ASH1L: variants seen among roughly 807,000 people sequenced by gnomAD.
The protein encoded by ASH1L is ASH1 like histone lysine methyltransferase.
ASH1L carries 23 observed loss-of-function variants against 269.0 expected under a neutral mutation model. That is an observed-to-expected ratio of 0.09 (90% CI 0.06 to 0.12). The LOEUF (loss-of-function observed/expected upper bound fraction) is 0.12. ASH1L is among the 10% of genes least tolerant of loss of function. ASH1L has a pLI of 1.00. For missense variants in ASH1L, 2,912 were observed against 3,567.8 expected (o/e 0.82, Z 4.68); for synonymous variants, 1,187 against 1,253.5 (o/e 0.95, Z 1.12).
At chr1:155,361,719 A>C (rs901048730) in intron 12 of ASH1L, among the ~76,000 whole-genome samples, 1 of 150,974 alleles carries the variant, frequency 6.6e-6, no homozygotes, top group African/African-American at 2.4e-5. Flanking sequence ...ACAAACAAAC[A>C]AAAACTAGAC....
intron 3 of ASH1L, among the ~76,000 whole-genome samples, chr1:155,464,096 T>C (rs554926812): frequency 6.6e-6 from 1 of 152,310 alleles, no homozygotes; most frequent in African/African-American, 2.4e-5. Flanking sequence ...GAAAGTAGTT[T>C]TCTGCTTCCC....
rs1481410989 is a variant in ASH1L at position 155,493,234 on chromosome 1, T to C, written c.421-10785A>G. Among the ~76,000 whole-genome samples the C allele has an allele frequency of 3.3e-5, 5 of 152,232 alleles. No homozygotes were observed. The East Asian group carries it at 9.6e-4, about 29-fold the overall frequency. On this transcript the variant is annotated intron_variant, in intron 2 of 27. Transcript: ENST00000392403. ...TCATCGGACTGTTTTTCCATACGTA[T>C]ACTTCCTCACAAACTTGAGATATGA... is the stretch of plus-strand genomic sequence containing the variant.
At chr1:155,473,617 C>T (rs763364597) in intron 3 of ASH1L, among the ~76,000 whole-genome samples, 6 of 151,756 alleles carry the variant, frequency 4.0e-5, no homozygotes, top group Non-Finnish European at 7.4e-5. Flanking sequence ...TTGCCACAGC[C>T]TCCTGAGTAG....
intron 11 of ASH1L, 27 bp from the exon 12 acceptor site, chr1:155,370,677 A>T: frequency 6.2e-7 from 1 of 1,612,900 alleles, no homozygotes; most frequent in South Asian, 1.1e-5. Context: ...TGATTGAAAG[A>T]CAATTAAAGA....
intron 10 of ASH1L, among the ~76,000 whole-genome samples, chr1:155,377,387 A>C (rs1656548357): frequency 6.6e-6 from 1 of 152,014 alleles, no homozygotes; most frequent in Admixed American, 6.6e-5. Context: ...CTGCTTCCTC[A>C]TTGTGGCAAC....
At chr1:155,427,196 C>G (rs1399610624) in intron 5 of ASH1L, among the ~76,000 whole-genome samples, 2 of 142,322 alleles carry the variant, frequency 1.4e-5, no homozygotes, top group Admixed American at 7.5e-5. Flanking sequence ...GTGAAGTGGT[C>G]TGATCTCAGC....
chr1:155,502,454 G>GT (rs1667578070), intron 2 of ASH1L, among the ~76,000 whole-genome samples: 1 of 152,060 alleles, frequency 6.6e-6, no homozygotes, highest in African/African-American at 2.4e-5. Flanking sequence ...TGAATTTTTG[G>GT]TAATGATGAT....
intron 6 of ASH1L, among the ~76,000 whole-genome samples, chr1:155,411,871 C>T (rs942899481): frequency 2.6e-4 from 40 of 151,670 alleles, no homozygotes; most frequent in Middle Eastern, 3.4e-3. Context: ...ACAGGACATG[C>T]TGGGTTTACA....
intron 6 of ASH1L, among the ~76,000 whole-genome samples, chr1:155,414,302 G>A (rs1331387728): frequency 6.6e-6 from 1 of 151,734 alleles, no homozygotes; most frequent in Non-Finnish European, 1.5e-5. Flanking sequence ...TAGCAAAATA[G>A]CATTAAAAAA....
intron 3 of ASH1L, among the ~76,000 whole-genome samples, chr1:155,477,574 C>T (rs918585925): frequency 2.0e-5 from 3 of 152,010 alleles, no homozygotes; most frequent in Admixed American, 2.0e-4. Context: ...ACCTATGAGC[C>T]ATTTGTCTTT....
intron 2 of ASH1L, among the ~76,000 whole-genome samples, chr1:155,503,713 T>C (rs1007931530): frequency 5.3e-5 from 8 of 152,204 alleles, no homozygotes; most frequent in African/African-American, 1.9e-4. Context: ...ACTACCACCC[T>C]CTTCCCTGTA....
chr1:155,537,479 C>T (rs115124051), intron 1 of ASH1L, among the ~76,000 whole-genome samples: 3,132 of 152,140 alleles, frequency 0.021, 105 homozygotes, highest in African/African-American at 0.072. Context: ...AAACAGGCTT[C>T]GAAACGTGAT....
rs185419009 is a variant in ASH1L at position 155,427,365 on chromosome 1, T to C, written c.5828+10962A>G. On this transcript the variant is annotated intron_variant, in intron 5 of 27. Coordinates refer to ENST00000392403, the MANE Select transcript of ASH1L (RefSeq NM_018489.3). ...TCTTGTTGCCCAGGCTGGAGTGCAG[T>C]GGCCAGATCCCGGCTCACTGCAACC... 7.2e-3 allele frequency among the ~76,000 whole-genome samples: 1,101 copies of C among 151,888 alleles called. 14 individuals carry two copies. The highest frequency in any genetic ancestry group is 0.025 in the African/African-American group (1,047 of 41,418).
intron 1 of ASH1L, among the ~76,000 whole-genome samples, chr1:155,558,703 T>C (rs928613986): frequency 2.6e-5 from 4 of 152,070 alleles, no homozygotes; most frequent in African/African-American, 9.7e-5. Flanking sequence ...TTCTAATTTT[T>C]TAACTTTCTG....
At chr1:155,433,709 A>G (rs1432049084) in intron 5 of ASH1L, 1 of 1,600,870 alleles carries the variant, frequency 6.2e-7, no homozygotes, top group Non-Finnish European at 8.5e-7. Context: ...TCTATTTGGG[A>G]AGGTGTTCAG....
chr1:155,431,804 C>G (rs1661630125), intron 5 of ASH1L, among the ~76,000 whole-genome samples: 1 of 152,012 alleles, frequency 6.6e-6, no homozygotes, highest in African/African-American at 2.4e-5. Flanking sequence ...GAAACGGTAG[C>G]TACAACCAGC....
At chr1:155,454,381 A>G (rs934307396) in intron 4 of ASH1L, among the ~76,000 whole-genome samples, 2 of 152,232 alleles carry the variant, frequency 1.3e-5, no homozygotes, top group Non-Finnish European at 2.9e-5. Flanking sequence ...CAGTCATGGC[A>G]TATGTATGAT....
At chr1:155,388,358 C>T (rs899888187) in intron 7 of ASH1L, among the ~76,000 whole-genome samples, 1 of 152,176 alleles carries the variant, frequency 6.6e-6, no homozygotes, top group African/African-American at 2.4e-5. Flanking sequence ...CTGGTGCAAT[C>T]TCAGCTCATT....
chr1:155,494,971 C>G (rs555814144), intron 2 of ASH1L, among the ~76,000 whole-genome samples: 18 of 152,144 alleles, frequency 1.2e-4, no homozygotes, highest in African/African-American at 4.3e-4. Flanking sequence ...TGTGTGGTAT[C>G]TTGGAACCCA....
Sources: gnomAD v4.1 joint callset for allele counts (sites outside exome capture counted in the v4.1 genomes callset) on GRCh38, gnomAD v4.1.1 for gene constraint, MANE v1.5 for transcripts, NCBI Gene and HGNC (gene_info 2026-07-23, HGNC 2026-07-21) for gene names.